ADAMTS17: variants seen among roughly 807,000 people sequenced by gnomAD.
ADAMTS17 encodes A disintegrin and metalloproteinase with thrombospondin motifs 17.
A neutral mutation model predicts 141.5 loss-of-function variants in ADAMTS17; 113 were observed. The ratio of observed to expected loss-of-function variants is 0.80; its 90% CI spans 0.69 to 0.93. ADAMTS17 has a LOEUF of 0.93. Among genes scored for constraint, ADAMTS17 ranks in the 40% least tolerant of loss-of-function variants. The probability of loss-of-function intolerance (pLI) is 0.00; values close to 1 mark genes in which losing one functional copy is unlikely to be tolerated. For missense variants in ADAMTS17, 1,659 were observed against 1,517.9 expected (o/e 1.09, Z -1.54); for synonymous variants, 768 against 630.6 (o/e 1.22, Z -3.27).
At chr15:100,207,312 C>T (rs112984009) in intron 7 of ADAMTS17, among the ~76,000 whole-genome samples, 1 of 152,216 alleles carries the variant, frequency 6.6e-6, no homozygotes, top group African/African-American at 2.4e-5. Flanking sequence ...CCAAACCAGT[C>T]CTACTGGCAC....
chr15:100,149,161 T>G (rs2039047663), intron 10 of ADAMTS17, among the ~76,000 whole-genome samples: 1 of 152,174 alleles, frequency 6.6e-6, no homozygotes, highest in African/African-American at 2.4e-5. Flanking sequence ...AGGCGCAGAC[T>G]GTTGATACAG....
Position 100,027,918 on chromosome 15 carries a change from C to T in ADAMTS17, c.2591+20939G>A, listed in dbSNP as rs577692809. Among the ~76,000 whole-genome samples, 11 of 152,228 alleles carry T rather than the reference C, an allele frequency of 7.2e-5. No homozygotes were observed. In the South Asian group the frequency reaches 1.0e-3, roughly 14 times the overall value. ...GTAGAATGAGTGCCCCGTTCTGAGA[C>T]GAGTCCTACCACTTGATAGCCACAC... On this transcript the variant is annotated intron_variant, in intron 18 of 21. Transcript: ENST00000268070.
At chr15:100,047,389 T>A (rs2031791370) in intron 18 of ADAMTS17, among the ~76,000 whole-genome samples, 1 of 150,424 alleles carries the variant, frequency 6.6e-6, no homozygotes, top group Non-Finnish European at 1.5e-5. Flanking sequence ...ACACACTCCC[T>A]CCCCTTTTGA....
intron 12 of ADAMTS17, among the ~76,000 whole-genome samples, chr15:100,126,821 G>C (rs1246665790): frequency 1.3e-5 from 2 of 152,210 alleles, no homozygotes; most frequent in Admixed American, 1.3e-4. Flanking sequence ...TGTCCAAACA[G>C]GTGTGGCCTG....
intron 7 of ADAMTS17, 49 bp from the exon 8 acceptor site, chr15:100,199,472 G>A: frequency 6.6e-7 from 1 of 1,521,362 alleles, no homozygotes; most frequent in South Asian, 1.1e-5. Context: ...GGGAGGCCCT[G>A]GTCTCACCGG....
At chr15:100,303,884 G>A (rs1023992665) in intron 3 of ADAMTS17, among the ~76,000 whole-genome samples, 5 of 152,010 alleles carry the variant, frequency 3.3e-5, no homozygotes, top group African/African-American at 9.7e-5. Flanking sequence ...CGCCACGCCC[G>A]GCTAATTTTT....
chr15:100,330,852 T>C (rs181015369), intron 3 of ADAMTS17, 37 bp downstream of exon 3: 42 of 1,609,584 alleles, frequency 2.6e-5, no homozygotes, highest in Admixed American at 1.0e-4. Flanking sequence ...GGGCTGTGCG[T>C]GTGTTCTAAG....
intron 7 of ADAMTS17, among the ~76,000 whole-genome samples, chr15:100,200,747 C>G (rs1282492831): frequency 6.6e-6 from 1 of 152,178 alleles, no homozygotes; most frequent in East Asian, 1.9e-4. Flanking sequence ...CCCGTCAACT[C>G]CATGCCCTGG....
intron 7 of ADAMTS17, among the ~76,000 whole-genome samples, chr15:100,221,930 C>G (rs1239591221): frequency 6.6e-6 from 1 of 152,130 alleles, no homozygotes; most frequent in African/African-American, 2.4e-5. Flanking sequence ...CGCCTGGGGT[C>G]TCTGAGAAGC....
intron 13 of ADAMTS17, 83 bp downstream of exon 13, chr15:100,116,764 G>A (rs1435173423): frequency 1.9e-6 from 3 of 1,595,246 alleles, no homozygotes; most frequent in African/African-American, 1.3e-5. Context: ...GGAAAGGGAT[G>A]CCCCCCGGCT....
chr15:100,107,729 AT>A, intron 14 of ADAMTS17, among the ~76,000 whole-genome samples: 1 of 152,228 alleles, frequency 6.6e-6, no homozygotes, highest in East Asian at 1.9e-4. Context: ...ACTGTCTATG[AT>A]AAGCGACCCC....
intron 8 of ADAMTS17, among the ~76,000 whole-genome samples, chr15:100,184,051 C>CTGT (rs1011497134): frequency 6.6e-6 from 1 of 152,200 alleles, no homozygotes; most frequent in African/African-American, 2.4e-5. Flanking sequence ...GCTGCTGCTG[C>CTGT]TGCTGGGAGC....
chr15:100,304,013 C>T (rs1372334433), intron 3 of ADAMTS17, among the ~76,000 whole-genome samples: 1 of 152,208 alleles, frequency 6.6e-6, no homozygotes, highest in African/African-American at 2.4e-5. Flanking sequence ...CATGAGCCGC[C>T]GCACCCGGCC....
At chr15:100,152,821 C>CTTT in intron 9 of ADAMTS17, 59 bp from the exon 10 acceptor site, 1 of 1,515,862 alleles carries the variant, frequency 6.6e-7, no homozygotes. Flanking sequence ...TTTTTGTTTT[C>CTTT]TTTTTCTTTT....
At position 100,261,385 on chromosome 15, in the gene ADAMTS17, C is replaced by G. The variant is rs550455538; in HGVS notation, c.1031+94G>C. The stretch of plus-strand genomic sequence containing the variant: ...GACAGGTGGCCCAAGGTCTGATTTC[C>G]AAGCCTGAGTTCTTAACAACATGCC... On this transcript the variant is annotated intron_variant, in intron 6 of 21. Transcript: ENST00000268070. The G allele has an allele frequency of 3.2e-6, 5 of 1,576,592 alleles. 1 individual carries two copies. Among genetic ancestry groups the G allele is most frequent in the South Asian group, 1.1e-5 (1 of 87,610 alleles).
chr15:100,186,830 C>A (rs943063051), intron 8 of ADAMTS17, among the ~76,000 whole-genome samples: 12 of 152,240 alleles, frequency 7.9e-5, no homozygotes, highest in Non-Finnish European at 1.5e-4. Flanking sequence ...TTTCTGAGAG[C>A]TCACAAATTA....
intron 3 of ADAMTS17, among the ~76,000 whole-genome samples, chr15:100,283,595 C>T (rs1405343614): frequency 6.6e-6 from 1 of 152,234 alleles, no homozygotes; most frequent in African/African-American, 2.4e-5. Context: ...TCACCATCTG[C>T]AGATGCTCCC....
At position 100,128,630 on chromosome 15, in the gene ADAMTS17, A is replaced by C. The variant is rs564948451; in HGVS notation, c.1721+3377T>G. 10 of 152,308 alleles carry C rather than the reference A, an allele frequency of 6.6e-5. No individual in the cohort carries two copies. In the East Asian group the frequency reaches 1.9e-3, roughly 29 times the overall value. The allele number at this position is 152,308 out of a possible 1,614,324, so 9.4% of individuals were successfully genotyped here. The stretch of plus-strand genomic sequence containing the variant: ...AGGACCTGATGAAGAAGAAGAGTGA[A>C]AGATTTTCACAACTTTGTGATTTAC... On this transcript the variant is annotated intron_variant, in intron 12 of 21. Transcript: ENST00000268070.
chr15:100,149,922 A>G (rs1432131523), intron 10 of ADAMTS17, among the ~76,000 whole-genome samples: 1 of 152,240 alleles, frequency 6.6e-6, no homozygotes, highest in Non-Finnish European at 1.5e-5. Flanking sequence ...CTCTAAAGAA[A>G]GTGTCACTAG....
Sources: gnomAD v4.1 joint callset for allele counts (sites outside exome capture counted in the v4.1 genomes callset) on GRCh38, gnomAD v4.1.1 for gene constraint, MANE v1.5 for transcripts, NCBI Gene and HGNC (gene_info 2026-07-23, HGNC 2026-07-21) for gene names.